The following TASP1 variants were observed in gnomAD, a reference collection of about 807,000 sequenced individuals.
TASP1 encodes the protein taspase 1, also known as threonine aspartase 1.
Under a neutral mutation model 56.6 loss-of-function variants are expected in TASP1, and 16 were observed. That is an observed-to-expected ratio of 0.28 (90% CI 0.19 to 0.43). The LOEUF (loss-of-function observed/expected upper bound fraction) is 0.43. TASP1 is among the 20% of genes least tolerant of loss of function. TASP1 has a pLI of 1.00. For missense variants in TASP1, 393 were observed against 511.6 expected (o/e 0.77, Z 2.24); for synonymous variants, 179 against 184.2 (o/e 0.97, Z 0.23).
At chr20:13,433,281 T>C (rs1208742806) in intron 12 of TASP1, among the ~76,000 whole-genome samples, 1 of 152,156 alleles carries the variant, frequency 6.6e-6, no homozygotes, top group Non-Finnish European at 1.5e-5. Flanking sequence ...TCCAGCTTCA[T>C]CCATGTCCCT....
chr20:13,210,911 T>G, the TASP1 span, among the ~76,000 whole-genome samples: 8 of 152,258 alleles, frequency 5.3e-5, no homozygotes, highest in South Asian at 1.7e-3. Flanking sequence ...ATCCTACTCC[T>G]CTTACCACAG....
chr20:13,573,886 G>A (rs1268030686), intron 6 of TASP1, among the ~76,000 whole-genome samples: 3 of 152,164 alleles, frequency 2.0e-5, no homozygotes, highest in African/African-American at 7.2e-5. Context: ...TGCCTAGAGA[G>A]TTTCTAAACC....
chr20:13,187,732 C>CAAAAA, the TASP1 span, among the ~76,000 whole-genome samples: 469 of 56,938 alleles, frequency 8.2e-3, no homozygotes, highest in East Asian at 0.011. Context: ...GACTCCATCT[C>CAAAAA]AAAAAAAAAA....
chr20:13,608,342 T>TTCA (rs1208311989), intron 4 of TASP1, among the ~76,000 whole-genome samples: 1 of 152,202 alleles, frequency 6.6e-6, no homozygotes, highest in Non-Finnish European at 1.5e-5. Flanking sequence ...TTTTCAAGAA[T>TTCA]TGGATGGTTA....
chr20:13,292,231 CCT>C, the TASP1 span: 2 of 612,886 alleles, frequency 3.3e-6, no homozygotes, highest in Non-Finnish European at 2.9e-6. Flanking sequence ...TTTACTGTTT[CCT>C]CTGTTGGCAA....
At chr20:13,353,539 C>T in the TASP1 span, among the ~76,000 whole-genome samples, 2 of 152,210 alleles carry the variant, frequency 1.3e-5, no homozygotes, top group African/African-American at 4.8e-5. Flanking sequence ...CATGCCCTAA[C>T]ATAAACTCAC....
At chr20:13,119,430 T>A in the TASP1 span, among the ~76,000 whole-genome samples, 1 of 152,230 alleles carries the variant, frequency 6.6e-6, no homozygotes, top group Non-Finnish European at 1.5e-5. Context: ...AGAGTATTTT[T>A]AAGATGTAGG....
the TASP1 span, among the ~76,000 whole-genome samples, chr20:13,222,289 C>T: frequency 5.3e-5 from 8 of 152,074 alleles, no homozygotes; most frequent in Admixed American, 3.3e-4. Flanking sequence ...TAATGTTACT[C>T]GAGGCTGGAG....
the TASP1 span, among the ~76,000 whole-genome samples, chr20:13,226,014 T>C: frequency 1.3e-5 from 2 of 152,194 alleles, no homozygotes; most frequent in African/African-American, 4.8e-5. Flanking sequence ...TCTCAGTCAG[T>C]TTTAGAATCA....
At chr20:13,628,894 C>A (rs2048989663) in intron 2 of TASP1, among the ~76,000 whole-genome samples, 1 of 152,182 alleles carries the variant, frequency 6.6e-6, no homozygotes, top group Non-Finnish European at 1.5e-5. Context: ...TCCACTGTGT[C>A]TGTCCTCATG....
the TASP1 span, among the ~76,000 whole-genome samples, chr20:13,344,212 T>C: frequency 6.6e-6 from 1 of 152,120 alleles, no homozygotes; most frequent in African/African-American, 2.4e-5. Flanking sequence ...CCCTTGATCT[T>C]GACCTGCAAG....
chr20:13,142,906 G>GCC, the TASP1 span, among the ~76,000 whole-genome samples: 2 of 151,182 alleles, frequency 1.3e-5, no homozygotes, highest in Non-Finnish European at 2.9e-5. Flanking sequence ...CAAATACCCC[G>GCC]CCTCTCTCTC....
chr20:13,587,906 ACTTGAG>A (rs2047367441), intron 4 of TASP1, among the ~76,000 whole-genome samples: 3 of 152,104 alleles, frequency 2.0e-5, no homozygotes, highest in African/African-American at 7.2e-5. Context: ...TGGAAGGATC[ACTTGAG>A]CCTAGCTGTT....
chr20:13,225,133 G>A, the TASP1 span, among the ~76,000 whole-genome samples: 32 of 152,014 alleles, frequency 2.1e-4, no homozygotes, highest in East Asian at 9.7e-4. Flanking sequence ...GATTACAGGC[G>A]TGAGCCACCG....
At chr20:13,430,710 C>T (rs1198204954) in intron 12 of TASP1, among the ~76,000 whole-genome samples, 1 of 152,194 alleles carries the variant, frequency 6.6e-6, no homozygotes, top group African/African-American at 2.4e-5. Flanking sequence ...AATTGAGTTC[C>T]ACCTCTTGAA....
chr20:13,393,698 C>T (rs757813559), intron 13 of TASP1: 40 of 1,162,948 alleles, frequency 3.4e-5, no homozygotes, highest in Non-Finnish European at 4.1e-5. Flanking sequence ...CCAGCCCCAG[C>T]GACAGCATGA....
the TASP1 span, among the ~76,000 whole-genome samples, chr20:13,206,245 T>C: frequency 6.6e-6 from 1 of 152,068 alleles, no homozygotes; most frequent in South Asian, 2.1e-4. Context: ...CTACACACAC[T>C]TGGTGGCATC....
intron 10 of TASP1, among the ~76,000 whole-genome samples, chr20:13,489,627 C>A (rs1249283717): frequency 6.6e-6 from 1 of 152,074 alleles, no homozygotes; most frequent in Non-Finnish European, 1.5e-5. Context: ...CTAGGTAGCC[C>A]GACTAGACCC....
the TASP1 span, among the ~76,000 whole-genome samples, chr20:13,190,807 T>C: frequency 2.0e-5 from 3 of 152,046 alleles, no homozygotes; most frequent in Non-Finnish European, 4.4e-5. Context: ...ACCTACAGAA[T>C]AGGAGAAAAT....
Sources: allele counts gnomAD v4.1 joint callset (sites outside exome capture counted in the v4.1 genomes callset), GRCh38; gene constraint gnomAD v4.1.1; transcripts MANE v1.5; gene names NCBI Gene and HGNC (gene_info 2026-07-23, HGNC 2026-07-21).